The following PBRM1 variants were observed in gnomAD, a reference collection of about 807,000 sequenced individuals.
PBRM1 encodes the protein protein polybromo-1.
PBRM1 carries 27 observed loss-of-function variants against 194.5 expected under a neutral mutation model. The ratio of observed to expected loss-of-function variants is 0.14; its 90% CI spans 0.10 to 0.19. The LOEUF is 0.19. PBRM1 is among the 10% of genes least tolerant of loss of function. The pLI, the probability that PBRM1 is intolerant of heterozygous loss-of-function variation, is 1.00. For missense variants in PBRM1, 1,466 were observed against 2,077.2 expected (o/e 0.71, Z 5.72); for synonymous variants, 655 against 693.2 (o/e 0.94, Z 0.87).
chr3:52,563,420 C>A (rs146951964), exon 24 of PBRM1: 92 of 1,613,858 alleles, frequency 5.7e-5, no homozygotes, highest in Non-Finnish European at 7.3e-5. Flanking sequence ...TCTAACTCGG[C>A]AAATTTAGCT....
intron 3 of PBRM1, among the ~76,000 whole-genome samples, chr3:52,666,505 C>T (rs1360718598): frequency 2.6e-5 from 4 of 151,526 alleles, no homozygotes; most frequent in Non-Finnish European, 5.9e-5. Context: ...CACTGCACTC[C>T]AGCCTGGGCA....
intron 2 of PBRM1, among the ~76,000 whole-genome samples, chr3:52,674,341 C>A (rs561505822): frequency 6.6e-6 from 1 of 150,686 alleles, no homozygotes; most frequent in African/African-American, 2.4e-5. Context: ...ATTAGCTGGG[C>A]GTGGTGGCCC....
intron 4 of PBRM1, among the ~76,000 whole-genome samples, chr3:52,660,026 G>A (rs1179651716): frequency 6.6e-6 from 1 of 152,242 alleles, no homozygotes; most frequent in Non-Finnish European, 1.5e-5. Flanking sequence ...AAGAGGTGGA[G>A]GTTGCAGTGA....
intron 10 of PBRM1, among the ~76,000 whole-genome samples, chr3:52,637,579 G>C (rs2095867320): frequency 6.6e-6 from 1 of 151,830 alleles, no homozygotes; most frequent in Non-Finnish European, 1.5e-5. Context: ...GTTGCAGTGA[G>C]CTGAGATCAC....
chr3:52,669,249 C>A (rs1428039853), intron 2 of PBRM1, among the ~76,000 whole-genome samples: 1 of 151,692 alleles, frequency 6.6e-6, no homozygotes, highest in African/African-American at 2.4e-5. Context: ...AAAAAAAAAA[C>A]CATGGGACTA....
At chr3:52,578,989 C>T (rs2153683350) in intron 21 of PBRM1, 65 bp downstream of exon 23, 1 of 1,509,958 alleles carries the variant, frequency 6.6e-7, no homozygotes, top group African/African-American at 1.4e-5. Context: ...CGAAGGGTGA[C>T]TAATTTCTAC....
exon 14 of PBRM1, chr3:52,617,289 G>A: frequency 6.2e-7 from 1 of 1,613,870 alleles, no homozygotes; most frequent in Non-Finnish European, 8.5e-7. Context: ...TATAGTGCCT[G>A]GCATTCCGGA....
chr3:52,645,086 A>C (rs1386920930), intron 7 of PBRM1, among the ~76,000 whole-genome samples: 1 of 152,240 alleles, frequency 6.6e-6, no homozygotes, highest in Non-Finnish European at 1.5e-5. Flanking sequence ...CTGTCCGTGG[A>C]GGATACATTC....
exon 22 of PBRM1, chr3:52,576,601 A>T (rs2153659603): frequency 6.2e-7 from 1 of 1,610,382 alleles, no homozygotes; most frequent in Non-Finnish European, 8.5e-7. Context: ...TCTTTTTTGT[A>T]GAACATTTTT....
intron 13 of PBRM1, among the ~76,000 whole-genome samples, chr3:52,620,542 T>C (rs983669708): frequency 3.3e-5 from 5 of 152,224 alleles, no homozygotes; most frequent in Admixed American, 6.5e-5. Flanking sequence ...CTGCAAATAC[T>C]CTCAGATGGG....
In PBRM1 at chr3:52,668,783, T is replaced by TAA. The variant is rs143631943; in HGVS notation, c.237-140_237-139dup. On this transcript the variant is annotated intron_variant, in intron 2 of 29. Coordinates refer to ENST00000296302, the Ensembl canonical transcript of PBRM1. The stretch of plus-strand genomic sequence containing the variant: ...TCTTTCATGGACTTTGAAGCTTACT[T>TAA]AAAAAAAAAAAAAAAAGAAAAAAAT... 8,459 of 208,214 alleles carry TAA rather than the reference T, an allele frequency of 0.041. 224 individuals carry two copies. Among genetic ancestry groups the TAA allele is most frequent in the Admixed American group, 0.06 (895 of 14,892 alleles). 12.9% of individuals were successfully genotyped at this position (208,214 alleles called of 1,614,324 possible).
intron 2 of PBRM1, among the ~76,000 whole-genome samples, chr3:52,672,686 C>T (rs1050317953): frequency 5.3e-5 from 8 of 151,378 alleles, no homozygotes; most frequent in Non-Finnish European, 1.2e-4. Context: ...TAGAGATGGG[C>T]TTTCTCCATG....
At chr3:52,554,476 T>C (rs561715247) in intron 27 of PBRM1, among the ~76,000 whole-genome samples, 4 of 152,354 alleles carry the variant, frequency 2.6e-5, no homozygotes, top group South Asian at 4.1e-4. Flanking sequence ...CTCTTGTCCC[T>C]TGGTTTGCTG....
chr3:52,663,616 T>C (rs1448326308), intron 3 of PBRM1, among the ~76,000 whole-genome samples: 1 of 152,094 alleles, frequency 6.6e-6, no homozygotes, highest in Non-Finnish European at 1.5e-5. Flanking sequence ...AAAAAAATCA[T>C]GAGGCACATA....
At chr3:52,680,940 A>G (rs182456531), upstream of PBRM1, among the ~76,000 whole-genome samples, 2 of 152,038 alleles carry the variant, frequency 1.3e-5, no homozygotes, top group African/African-American at 4.8e-5. Flanking sequence ...AAAGAAAAAA[A>G]AAGATCCCAG....
chr3:52,578,255 T>C (rs188414648), intron 21 of PBRM1, among the ~76,000 whole-genome samples: 52 of 152,306 alleles, frequency 3.4e-4, no homozygotes, highest in Middle Eastern at 6.8e-3. Context: ...CCTAACATAC[T>C]ATACACTTTA....
chr3:52,587,893 CAT>C (rs142949335), intron 18 of PBRM1, among the ~76,000 whole-genome samples: 6 of 149,532 alleles, frequency 4.0e-5, no homozygotes, highest in Non-Finnish European at 6.0e-5. Context: ...TTTCCCCCCT[CAT>C]ATATATATAT....
chr3:52,576,785 A>T, intron 21 of PBRM1, 87 bp from the exon 24 acceptor site: 1 of 956,840 alleles, frequency 1.0e-6, no homozygotes, highest in Non-Finnish European at 1.6e-6. Context: ...CCAAAAACTT[A>T]GTAATGTGTA....
intron 12 of PBRM1, among the ~76,000 whole-genome samples, chr3:52,628,612 A>G: frequency 6.6e-6 from 1 of 152,008 alleles, no homozygotes; most frequent in East Asian, 1.9e-4. Flanking sequence ...CTGGGACTAC[A>G]GGCGTGTGCC....
Sources: gnomAD v4.1 joint callset for allele counts (sites outside exome capture counted in the v4.1 genomes callset) on GRCh38, gnomAD v4.1.1 for gene constraint, MANE v1.5 for transcripts, NCBI Gene and HGNC (gene_info 2026-07-23, HGNC 2026-07-21) for gene names.